Variants in N4BP2L2 observed in about 807,000 individuals in gnomAD.
The protein encoded by N4BP2L2 is NEDD4-binding protein 2-like 2.
In N4BP2L2, 50 loss-of-function variants were observed where a neutral mutation model predicts 56.2. The ratio of observed to expected loss-of-function variants is 0.89; its 90% CI spans 0.71 to 1.13. The LOEUF is 1.13. Ranked by LOEUF, N4BP2L2 falls within the 50% of genes most tolerant of loss-of-function variation. N4BP2L2 has a pLI of 0.00. For missense variants in N4BP2L2, 689 were observed against 693.8 expected (o/e 0.99, Z 0.08); for synonymous variants, 203 against 223.6 (o/e 0.91, Z 0.82).
chr13:32,444,457 GGGTTTCACCA>G (rs1410787110), intron 6 of N4BP2L2, among the ~76,000 whole-genome samples: 1 of 152,118 alleles, frequency 6.6e-6, no homozygotes, highest in Non-Finnish European at 1.5e-5. Flanking sequence ...AGTAGAGACG[GGGTTTCACCA>G]TGTTGGCCAG....
intron 6 of N4BP2L2, among the ~76,000 whole-genome samples, chr13:32,500,870 T>C (rs911687534): frequency 1.5e-4 from 22 of 148,212 alleles, no homozygotes; most frequent in African/African-American, 5.4e-4. Context: ...CTTTTCTTTT[T>C]TTTTTTTTTT....
At chr13:32,508,189 T>C (rs2091250657), downstream of N4BP2L2, 1 of 152,084 alleles carries the variant, frequency 6.6e-6, no homozygotes, top group Non-Finnish European at 1.5e-5. Context: ...AGAGGAATGA[T>C]AGGGACAGAA....
intron 6 of N4BP2L2, among the ~76,000 whole-genome samples, chr13:32,496,399 A>G (rs1157893976): frequency 6.6e-6 from 1 of 152,230 alleles, no homozygotes; most frequent in Non-Finnish European, 1.5e-5. Flanking sequence ...AAAATACAAA[A>G]CAAGAAACAG....
intron 2 of N4BP2L2, among the ~76,000 whole-genome samples, chr13:32,533,445 A>G (rs1037520390): frequency 6.6e-5 from 10 of 151,504 alleles, no homozygotes; most frequent in Admixed American, 3.3e-4. Context: ...CTTGAACACT[A>G]CCTCCAAAGA....
intron 6 of N4BP2L2, among the ~76,000 whole-genome samples, chr13:32,456,614 T>C (rs2079029071): frequency 6.6e-6 from 1 of 152,050 alleles, no homozygotes; most frequent in African/African-American, 2.4e-5. Flanking sequence ...AGAACGCAGA[T>C]AAATAATACA....
At chr13:32,470,892 A>G (rs2082168835) in intron 6 of N4BP2L2, among the ~76,000 whole-genome samples, 1 of 152,220 alleles carries the variant, frequency 6.6e-6, no homozygotes, top group Non-Finnish European at 1.5e-5. Flanking sequence ...GTTAGGAAGA[A>G]CATCCTCCCA....
intron 6 of N4BP2L2, among the ~76,000 whole-genome samples, chr13:32,480,098 G>A (rs1950154544): frequency 6.6e-6 from 1 of 152,014 alleles, no homozygotes; most frequent in South Asian, 2.1e-4. Flanking sequence ...AAACATTAAA[G>A]TCAAAGGGAA....
chr13:32,517,869 TGTGGAG>T, exon 6 of N4BP2L2: 7 of 1,614,116 alleles, frequency 4.3e-6, no homozygotes, highest in Non-Finnish European at 5.9e-6. Context: ...CTGTCTCCCC[TGTGGAG>T]GAGGAGGTCT....
chr13:32,537,667 A>G (rs2056886217), intron 1 of N4BP2L2, among the ~76,000 whole-genome samples: 1 of 152,192 alleles, frequency 6.6e-6, no homozygotes, highest in Non-Finnish European at 1.5e-5. Flanking sequence ...GGGGGAAGAG[A>G]TAACTTAAGT....
In N4BP2L2 at chr13:32,518,017, A is replaced by C. The variant is rs1566161912; in HGVS notation, c.1551-14T>G. On this transcript the variant is annotated splice_polypyrimidine_tract_variant and intron_variant, in intron 5 of 5. Transcript: ENST00000267068. Reference sequence around the variant, plus strand: ...TGTTTATTCCTCCTAACAAAAAAGAAAAGGATTGTAAATCTTTGTTGCAGA... The same window carrying C: ...TGTTTATTCCTCCTAACAAAAAAGACAAGGATTGTAAATCTTTGTTGCAGA... The C allele has an allele frequency of 1.2e-6, 2 of 1,610,140 alleles. No individual in the cohort carries two copies. Among genetic ancestry groups the C allele is most frequent in the Non-Finnish European group, 1.7e-6 (2 of 1,178,734 alleles).
intron 6 of N4BP2L2, among the ~76,000 whole-genome samples, chr13:32,484,439 T>A (rs958498453): frequency 6.6e-6 from 1 of 152,220 alleles, no homozygotes; most frequent in Admixed American, 6.5e-5. Flanking sequence ...AGGTTTTTCA[T>A]CTTTAATAAA....
At chr13:32,442,258 C>G (rs2076506782) in intron 7 of N4BP2L2, 1 of 818,244 alleles carries the variant, frequency 1.2e-6, no homozygotes, top group South Asian at 2.0e-5. Flanking sequence ...TGGATCCTCA[C>G]TCACTGCTGA....
intron 6 of N4BP2L2, among the ~76,000 whole-genome samples, chr13:32,484,275 C>T (rs1007111725): frequency 2.0e-5 from 3 of 151,752 alleles, no homozygotes; most frequent in African/African-American, 4.8e-5. Context: ...TGCAGCGAGC[C>T]GAGATCATGC....
At chr13:32,488,134 G>A (rs2086281711) in intron 6 of N4BP2L2, among the ~76,000 whole-genome samples, 1 of 152,162 alleles carries the variant, frequency 6.6e-6, no homozygotes, top group Non-Finnish European at 1.5e-5. Flanking sequence ...TTCTCTGATT[G>A]CAAATTTTAT....
At chr13:32,530,859 C>T (rs2054555036) in intron 2 of N4BP2L2, among the ~76,000 whole-genome samples, 1 of 141,336 alleles carries the variant, frequency 7.1e-6, no homozygotes, top group African/African-American at 2.6e-5. Flanking sequence ...GAATATGATA[C>T]AGGTGATGGG....
intron 3 of N4BP2L2, 183 bp downstream of exon 3, chr13:32,527,225 C>T: frequency 1.8e-6 from 1 of 570,492 alleles, no homozygotes; most frequent in South Asian, 2.8e-5. Flanking sequence ...CACAAAAACC[C>T]TGATCAGGTA....
intron 6 of N4BP2L2, among the ~76,000 whole-genome samples, chr13:32,484,293 C>T (rs2085405352): frequency 6.6e-6 from 1 of 152,144 alleles, no homozygotes; most frequent in African/African-American, 2.4e-5. Flanking sequence ...TGCCACTGCA[C>T]TGCAGGCTGG....
At chr13:32,536,740 G>A in exon 2 of N4BP2L2, 1 of 1,613,992 alleles carries the variant, frequency 6.2e-7, no homozygotes, top group Middle Eastern at 1.7e-4. Context: ...GTGAATCAAT[G>A]GATTCAATAA....
intron 6 of N4BP2L2, among the ~76,000 whole-genome samples, chr13:32,475,124 CA>C (rs1217274125): frequency 2.6e-5 from 4 of 152,158 alleles, no homozygotes; most frequent in African/African-American, 7.2e-5. Flanking sequence ...TGAGAATCAG[CA>C]CTATAGATAA....
Sources: allele counts gnomAD v4.1 joint callset (sites outside exome capture counted in the v4.1 genomes callset), GRCh38; gene constraint gnomAD v4.1.1; transcripts MANE v1.5; gene names NCBI Gene and HGNC (gene_info 2026-07-23, HGNC 2026-07-21).